THAP10: variants seen among roughly 807,000 people sequenced by gnomAD.
The protein encoded by THAP10 is THAP domain containing 10.
A neutral mutation model predicts 15.7 loss-of-function variants in THAP10; 10 were observed. The ratio of observed to expected loss-of-function variants is 0.64; its 90% CI spans 0.39 to 1.08. THAP10 has a LOEUF of 1.08. THAP10 is among the 50% of genes least tolerant of loss of function. The pLI is 0.01. For synonymous variants in THAP10, 127 were observed against 129.1 expected (o/e 0.98, Z 0.11); for missense variants, 310 against 330.9 (o/e 0.94, Z 0.49).
chr15:70,884,769 T>C (rs1229396263), intron 1 of THAP10, among the ~76,000 whole-genome samples: 1 of 152,170 alleles, frequency 6.6e-6, no homozygotes, highest in East Asian at 1.9e-4. Context: ...TTAATCAGGG[T>C]TAAAAAAATA....
intron 1 of THAP10, among the ~76,000 whole-genome samples, chr15:70,890,422 G>A (rs1448852296): frequency 1.3e-5 from 2 of 152,084 alleles, no homozygotes; most frequent in South Asian, 2.1e-4. Flanking sequence ...TGTTCTTATA[G>A]TCATGTAATC....
chr15:70,882,718 A>C lies in THAP10; in HGVS notation c.577+43T>G, dbSNP rs546502746. On this transcript the variant is annotated intron_variant, in intron 2 of 2. Transcript: ENST00000249861. ...TTTTCATATATCTTTAATATACGAA[A>C]GATCAATTCAATTGCTTAATCCATT... 3 of 1,613,032 alleles carry C rather than the reference A, an allele frequency of 1.9e-6. No homozygotes were observed. The Admixed American group carries it at 5.0e-5, about 27-fold the overall frequency.
intron 1 of THAP10, among the ~76,000 whole-genome samples, chr15:70,886,083 G>A (rs1006215656): frequency 1.5e-4 from 23 of 151,974 alleles, no homozygotes; most frequent in Middle Eastern, 3.4e-3. Context: ...ATTAACCCAC[G>A]AATAAAAGAT....
In THAP10 at chr15:70,881,673, G is replaced by T. The variant is rs978266672; in HGVS notation, c.*781C>A. 6.6e-6 allele frequency: 1 copy of T among 152,154 alleles called. No individual in the cohort carries two copies. Among genetic ancestry groups the T allele is most frequent in the Non-Finnish European group, 1.5e-5 (1 of 68,016 alleles). The allele number at this position is 152,154 out of a possible 1,614,324, so 9.4% of individuals were successfully genotyped here. A position where few individuals can be genotyped will look rare whatever the true frequency, so the allele number is the denominator to read the frequency against. The stretch of plus-strand genomic sequence containing the variant: ...CTCAAATGTAGAATTCAAAAGAGAG[G>T]TGTTGACAGAAAAAATACCTAACAC... On this transcript the variant is annotated 3_prime_UTR_variant, in exon 3 of 3. Transcript: ENST00000249861.
chr15:70,891,567 CTGTGTGTGTGTGTGTGTGTGTGTGTGTG>C (rs3220843), intron 1 of THAP10, among the ~76,000 whole-genome samples: 6 of 137,138 alleles, frequency 4.4e-5, no homozygotes, highest in South Asian at 2.5e-4. Context: ...GGACAAGACT[CTGTGTGTGTGTGTGTGTGTGTGTGTGTG>C]TGTGTGTGTG....
At chr15:70,891,436 A>C (rs1050228288) in intron 1 of THAP10, among the ~76,000 whole-genome samples, 1 of 152,170 alleles carries the variant, frequency 6.6e-6, no homozygotes, top group Non-Finnish European at 1.5e-5. Context: ...GACTTTCCTC[A>C]AGCTTATGTA....
chr15:70,891,455 C>T (rs1027124232), intron 1 of THAP10, among the ~76,000 whole-genome samples: 1 of 152,104 alleles, frequency 6.6e-6, no homozygotes, highest in African/African-American at 2.4e-5. Context: ...TAATGTTATG[C>T]AACACAGTTT....
In THAP10 at chr15:70,881,560, G is replaced by C. The variant is rs1239451211; in HGVS notation, c.*894C>G. ...TATAGTATGCTTCTCAGAAACTATT[G>C]TAACAGTTTACTTCATGGTACAAAA... On this transcript the variant is annotated 3_prime_UTR_variant, in exon 3 of 3. Coordinates refer to ENST00000249861, the MANE Select transcript of THAP10 (RefSeq NM_020147.4). The C allele has an allele frequency of 6.6e-6, 1 of 152,122 alleles. No individual in the cohort carries two copies. The allele number at this position is 152,122 out of a possible 1,614,324, so 9.4% of individuals were successfully genotyped here. A position where few individuals can be genotyped will look rare whatever the true frequency, so the allele number is the denominator to read the frequency against.
intron 1 of THAP10, among the ~76,000 whole-genome samples, chr15:70,884,770 TA>T (rs913849547): frequency 6.6e-6 from 1 of 152,118 alleles, no homozygotes. Context: ...TAATCAGGGT[TA>T]AAAAAATAAC....
Position 70,882,403 on chromosome 15 carries a change from G to A in THAP10, c.*51C>T, listed in dbSNP as rs1295683678. On this transcript the variant is annotated 3_prime_UTR_variant, in exon 3 of 3. Transcript: ENST00000249861. ...TACAATAGCAAAGAGATAATTATGT[G>A]AGTAAAGATTTGAAAATCTATAGCA... is the stretch of plus-strand genomic sequence containing the variant. 7.4e-7 allele frequency: 1 copy of A among 1,353,120 alleles called. No homozygotes were observed. Among genetic ancestry groups the A allele is most frequent in the Admixed American group, 1.9e-5 (1 of 51,828 alleles). The allele number at this position is 1,353,120 out of a possible 1,614,324, so 83.8% of individuals were successfully genotyped here. A position where few individuals can be genotyped will look rare whatever the true frequency, so the allele number is the denominator to read the frequency against.
intron 1 of THAP10, among the ~76,000 whole-genome samples, chr15:70,891,567 C>CTGTGTGTGTGTGTGTGTGTGTG (rs3220843): frequency 5.1e-5 from 7 of 137,132 alleles, no homozygotes; most frequent in Admixed American, 7.6e-5. Flanking sequence ...GGACAAGACT[C>CTGTGTGTGTGTGTGTGTGTGTG]TGTGTGTGTG....
At chr15:70,891,244 T>G (rs1595984895) in intron 1 of THAP10, among the ~76,000 whole-genome samples, 1 of 152,106 alleles carries the variant, frequency 6.6e-6, no homozygotes, top group Middle Eastern at 3.2e-3. Context: ...AACAGAAAAG[T>G]AGGCAGAAGA....
intron 1 of THAP10, among the ~76,000 whole-genome samples, chr15:70,890,308 G>C (rs957577773): frequency 5.9e-5 from 9 of 152,180 alleles, no homozygotes; most frequent in African/African-American, 2.2e-4. Flanking sequence ...GGTGGTGATG[G>C]TGGACAGATG....
chr15:70,882,369 T>G lies in THAP10; in HGVS notation c.*85A>C. The G allele has an allele frequency of 1.7e-6, 2 of 1,208,388 alleles. No individual in the cohort carries two copies. Among genetic ancestry groups the G allele is most frequent in the Non-Finnish European group, 2.3e-6 (2 of 857,280 alleles). 74.9% of individuals were successfully genotyped at this position (1,208,388 alleles called of 1,614,324 possible). ...ACTCAACTGTCAAATTATCTTGAAG[T>G]GAAAGATTTACAATAGCAAAGAGAT... On this transcript the variant is annotated 3_prime_UTR_variant, in exon 3 of 3. Transcript: ENST00000249861.
chr15:70,882,752 A>C lies in THAP10; in HGVS notation c.577+9T>G. Reference sequence around the variant, plus strand: ...CAATTGCTTAATCCATTGAAGAGTCAAAACATACCCACACTACGGTGACGG... The same window carrying C: ...CAATTGCTTAATCCATTGAAGAGTCCAAACATACCCACACTACGGTGACGG... On this transcript the variant is annotated intron_variant, in intron 2 of 2. Coordinates refer to ENST00000249861, the MANE Select transcript of THAP10 (RefSeq NM_020147.4). 6.2e-7 allele frequency: 1 copy of C among 1,614,070 alleles called. No individual in the cohort carries two copies. Among genetic ancestry groups the C allele is most frequent in the Non-Finnish European group, 8.5e-7 (1 of 1,179,990 alleles).
At chr15:70,883,123 C>T (rs1013418848) in intron 1 of THAP10, among the ~76,000 whole-genome samples, 1 of 152,126 alleles carries the variant, frequency 6.6e-6, no homozygotes, top group Admixed American at 6.5e-5. Flanking sequence ...GAATTCTGGT[C>T]AGCCAGAATG....
At chr15:70,890,936 A>C (rs1427460526) in intron 1 of THAP10, among the ~76,000 whole-genome samples, 1 of 152,138 alleles carries the variant, frequency 6.6e-6, no homozygotes, top group Non-Finnish European at 1.5e-5. Flanking sequence ...AAATTGGGTT[A>C]ATAATTTTGC....
intron 1 of THAP10, among the ~76,000 whole-genome samples, chr15:70,883,480 C>A (rs926845660): frequency 2.0e-5 from 3 of 151,674 alleles, no homozygotes; most frequent in Non-Finnish European, 2.9e-5. Context: ...AGGCGTGAGG[C>A]ACCTCGCCCA....
rs1203205380 is a variant in THAP10, at chr15:70,891,874, G to C, written c.399C>G (p.Pro133=). ...AAGCTGCAGCCTGCTTCCCAGCTCGGGGGCGTGTACAGGAGACTGGACCTG... is the reference window on the plus strand; with the variant it reads ...AAGCTGCAGCCTGCTTCCCAGCTCGCGGGCGTGTACAGGAGACTGGACCTG... The part of the protein sequence containing the change: ...AAPGPVSCTR[P]RAGKQAAASQ... The change falls in exon 1 of 3, where the codon CCC becomes CCG. Residue 133 remains proline, a synonymous_variant. Coordinates refer to ENST00000249861, the MANE Select transcript of THAP10 (RefSeq NM_020147.4). 1.2e-6 allele frequency: 2 copies of C among 1,607,562 alleles called. No individual in the cohort carries two copies. The highest frequency in any genetic ancestry group is 1.7e-6 in the Non-Finnish European group (2 of 1,177,272).
Sources: gnomAD v4.1 joint callset for allele counts (sites outside exome capture counted in the v4.1 genomes callset) on GRCh38, gnomAD v4.1.1 for gene constraint, MANE v1.5 for transcripts, NCBI Gene and HGNC (gene_info 2026-07-23, HGNC 2026-07-21) for gene names.